COBLL1: variants seen among roughly 807,000 people sequenced by gnomAD.
COBLL1 encodes cordon-bleu WH2 repeat protein like 1, also known as cordon-bleu protein-like 1.
In COBLL1, 50 loss-of-function variants were observed where a neutral mutation model predicts 94.8. The ratio of observed to expected loss-of-function variants is 0.53; its 90% confidence interval spans 0.42 to 0.67. The LOEUF (loss-of-function observed/expected upper bound fraction) is 0.67. Among genes scored for constraint, COBLL1 ranks in the 30% least tolerant of loss-of-function variants. The pLI, the probability that COBLL1 is intolerant of heterozygous loss-of-function variation, is 0.00. For synonymous variants in COBLL1, 448 were observed against 473.8 expected (o/e 0.95, Z 0.71); for missense variants, 1,362 against 1,348.7 (o/e 1.01, Z -0.15).
intron 2 of COBLL1, chr2:164,837,626 A>G: frequency 2.7e-6 from 1 of 374,094 alleles, no homozygotes; most frequent in South Asian, 2.2e-5. Context: ...ACATATGAAA[A>G]CATATATACA....
chr2:164,705,180 A>G, intron 7 of COBLL1, 75 bp from the exon 8 acceptor site: 1 of 1,195,326 alleles, frequency 8.4e-7, no homozygotes, highest in Non-Finnish European at 1.1e-6. Context: ...ACTGAACTTT[A>G]CGTCAAGCAC....
chr2:164,820,200 G>A (rs1351917613), intron 2 of COBLL1, among the ~76,000 whole-genome samples: 2 of 150,268 alleles, frequency 1.3e-5, no homozygotes, highest in African/African-American at 4.9e-5. Context: ...ATTGGAGTGA[G>A]CAAAATGCTG....
chr2:164,747,574 C>T (rs1686929262), intron 2 of COBLL1, among the ~76,000 whole-genome samples: 1 of 152,124 alleles, frequency 6.6e-6, no homozygotes. Flanking sequence ...TCCTCTATCT[C>T]CCAGGTTCAA....
At chr2:164,711,663 C>A (rs1684907897) in intron 7 of COBLL1, among the ~76,000 whole-genome samples, 1 of 152,130 alleles carries the variant, frequency 6.6e-6, no homozygotes, top group African/African-American at 2.4e-5. Context: ...GTCTCATAAG[C>A]AAATTTAATG....
At chr2:164,676,740 C>G (rs1016793277), downstream of COBLL1, among the ~76,000 whole-genome samples, 1 of 151,690 alleles carries the variant, frequency 6.6e-6, no homozygotes, top group Non-Finnish European at 1.5e-5. Flanking sequence ...CAAAATCAGA[C>G]TTGGATTTTG....
Position 164,692,359 on chromosome 2 carries a change from T to C in COBLL1, c.3162A>G (p.Ile1054Met). 6.2e-7 allele frequency: 1 copy of C among 1,612,850 alleles called. No individual in the cohort carries two copies. Among genetic ancestry groups the C allele is most frequent in the Admixed American group, 1.7e-5 (1 of 59,836 alleles). Residue 1054 changes from isoleucine to methionine, a missense_variant, in exon 13 of 14, where the codon ATA (isoleucine) becomes ATG (methionine). Ile to Met is a conservative substitution (Grantham distance 10, BLOSUM62 1). Coordinates refer to ENST00000652658, the MANE Select transcript of COBLL1 (RefSeq NM_001365672.2). ...NSAHNEQNSQ[I>M]PTPTDGPSFT... ...ATGATGGGCCATCAGTTGGAGTTGG[T>C]ATTTGGGAATTCTGTTCATTATGTG... is the stretch of plus-strand genomic sequence containing the variant.
At chr2:164,770,458 G>A (rs889768971) in intron 2 of COBLL1, among the ~76,000 whole-genome samples, 4 of 151,926 alleles carry the variant, frequency 2.6e-5, no homozygotes, top group Admixed American at 1.3e-4. Context: ...ATGCCTTCAC[G>A]AGCTGTAAAA....
intron 1 of COBLL1, among the ~76,000 whole-genome samples, chr2:164,669,084 G>A (rs1476183441): frequency 6.6e-6 from 1 of 152,122 alleles, no homozygotes; most frequent in Non-Finnish European, 1.5e-5. Flanking sequence ...AGCACTGATT[G>A]TTTATCATTT....
At chr2:164,767,820 GTATGTA>G (rs775384149) in intron 2 of COBLL1, among the ~76,000 whole-genome samples, 31 of 151,852 alleles carry the variant, frequency 2.0e-4, no homozygotes, top group Non-Finnish European at 4.3e-4. Flanking sequence ...TTTTTACATT[GTATGTA>G]TATAATATTT....
chr2:164,716,943 C>T (rs1416887842), intron 7 of COBLL1, among the ~76,000 whole-genome samples: 2 of 152,092 alleles, frequency 1.3e-5, no homozygotes, highest in African/African-American at 4.8e-5. Context: ...TAAACCTTGA[C>T]TAAGGCAAAC....
intron 2 of COBLL1, chr2:164,773,601 T>C (rs1688317084): frequency 5.8e-6 from 2 of 343,938 alleles, no homozygotes; most frequent in Non-Finnish European, 1.0e-5. Flanking sequence ...CATATTAAAA[T>C]GTGCAAGGGT....
intron 3 of COBLL1, among the ~76,000 whole-genome samples, chr2:164,741,779 A>C (rs1686610090): frequency 6.6e-6 from 1 of 152,140 alleles, no homozygotes; most frequent in African/African-American, 2.4e-5. Flanking sequence ...GTACAAATGT[A>C]GGTGAAATAT....
chr2:164,742,857 A>AAGAG (rs547352102), intron 3 of COBLL1, among the ~76,000 whole-genome samples: 1 of 151,298 alleles, frequency 6.6e-6, no homozygotes, highest in East Asian at 1.9e-4. Context: ...CACACAGAGA[A>AAGAG]AGAGAGAGAG....
chr2:164,720,259 T>C (rs1685376967), intron 7 of COBLL1, among the ~76,000 whole-genome samples: 1 of 140,992 alleles, frequency 7.1e-6, no homozygotes, highest in South Asian at 2.2e-4. Context: ...GATGTGTAGT[T>C]TGCCAAAGGC....
intron 2 of COBLL1, among the ~76,000 whole-genome samples, chr2:164,827,387 C>T (rs995991415): frequency 2.0e-5 from 3 of 152,056 alleles, no homozygotes; most frequent in Non-Finnish European, 2.9e-5. Context: ...ATAATATTTG[C>T]AGTTTTGTAA....
intron 2 of COBLL1, among the ~76,000 whole-genome samples, chr2:164,782,555 G>A (rs982259016): frequency 9.2e-5 from 14 of 152,144 alleles, no homozygotes; most frequent in Non-Finnish European, 7.3e-5. Context: ...TGCTTTATGA[G>A]TACAGGCTTC....
At position 164,694,826 on chromosome 2, in the gene COBLL1, GAGA is replaced by G. The variant is rs1558925883; in HGVS notation, c.2563_2565del (p.Ser855del). On this transcript the variant is annotated inframe_deletion, in exon 12 of 14. Coordinates refer to ENST00000652658, the MANE Select transcript of COBLL1 (RefSeq NM_001365672.2). ...GGTTTGGCCTGGGCATTTGAAGCCCGAGATTTAAATTTTGATTCCAAAATATTG... is the reference window on the plus strand; with the variant it reads ...GGTTTGGCCTGGGCATTTGAAGCCCGTTTAAATTTTGATTCCAAAATATTG... 1 of 1,613,778 alleles carries G rather than the reference GAGA, an allele frequency of 6.2e-7. No individual in the cohort carries two copies. The highest frequency in any genetic ancestry group is 1.7e-5 in the Admixed American group (1 of 59,930).
downstream of COBLL1, among the ~76,000 whole-genome samples, chr2:164,679,461 C>T (rs1682948545): frequency 1.3e-5 from 2 of 151,930 alleles, no homozygotes. Flanking sequence ...TGTTCAAGTA[C>T]ACAGTTACAA....
intron 2 of COBLL1, among the ~76,000 whole-genome samples, chr2:164,781,402 C>A (rs1688718227): frequency 6.6e-6 from 1 of 152,042 alleles, no homozygotes; most frequent in Non-Finnish European, 1.5e-5. Context: ...AAGCATTGGG[C>A]CAATATTTAA....
Sources: gnomAD v4.1 joint callset for allele counts (sites outside exome capture counted in the v4.1 genomes callset) on GRCh38, gnomAD v4.1.1 for gene constraint, MANE v1.5 for transcripts, NCBI Gene and HGNC (gene_info 2026-07-23, HGNC 2026-07-21) for gene names.